SUMF1: variants seen among roughly 807,000 people sequenced by gnomAD.
SUMF1 encodes formylglycine-generating enzyme.
SUMF1 carries 48 observed loss-of-function variants against 47.6 expected under a neutral mutation model. That is an observed-to-expected ratio of 1.01 (90% confidence interval 0.80 to 1.28). The LOEUF (loss-of-function observed/expected upper bound fraction) is 1.28. Among genes scored for constraint, SUMF1 ranks in the 50% most tolerant of loss-of-function variants. SUMF1 has a pLI of 0.00. For missense variants in SUMF1, 571 were observed against 485.4 expected, an observed-to-expected ratio of 1.18 and a Z score of -1.66; for synonymous variants, 230 against 192.1, an observed-to-expected ratio of 1.20 and a Z score of -1.63.
intron 6 of SUMF1, among the ~76,000 whole-genome samples, chr3:4,413,009 T>C (rs1277675427): frequency 1.3e-5 from 2 of 152,018 alleles, no homozygotes; most frequent in Non-Finnish European, 2.9e-5. Flanking sequence ...TGTGCATCAA[T>C]ACTATTTTTT....
chr3:4,268,459 C>A (rs1176949136), intron 8 of SUMF1, among the ~76,000 whole-genome samples: 1 of 150,936 alleles, frequency 6.6e-6, no homozygotes, highest in Non-Finnish European at 1.5e-5. Context: ...AATAATAAAA[C>A]CCCGCAATTT....
At position 4,456,874 on chromosome 3, in the gene SUMF1, C is replaced by CTATATGTGTGTGTATA. The variant is rs2079648335; in HGVS notation, c.271-3841_271-3826dup. Among the ~76,000 whole-genome samples the CTATATGTGTGTGTATA allele has an allele frequency of 2.2e-4, 4 of 18,314 alleles. 1 individual carries two copies. Among genetic ancestry groups the CTATATGTGTGTGTATA allele is most frequent in the African/African-American group, 4.3e-4 (2 of 4,670 alleles). The allele number at this position is 18,314 out of a possible 152,430, so 12.0% of individuals were successfully genotyped here. On this transcript the variant is annotated intron_variant, in intron 1 of 8. Coordinates refer to ENST00000272902, the MANE Select transcript of SUMF1 (RefSeq NM_182760.4). ...TGTGTATATATATGTGTGTGTATATCTATATGTGTGTGTATATATATGTGT... is the reference window on the plus strand; with the variant it reads ...TGTGTATATATATGTGTGTGTATATCTATATGTGTGTGTATATATATGTGTGTGTATATATATGTGT...
At chr3:4,320,806 C>T (rs536931421) in intron 8 of SUMF1, among the ~76,000 whole-genome samples, 9 of 152,180 alleles carry the variant, frequency 5.9e-5, no homozygotes, top group South Asian at 4.1e-4. Context: ...TTTGGAAGAA[C>T]TTCCCTCAGT....
chr3:4,052,323 G>T (rs1342562276), intron 9 of SUMF1, among the ~76,000 whole-genome samples: 1 of 152,128 alleles, frequency 6.6e-6, no homozygotes, highest in Non-Finnish European at 1.5e-5. Flanking sequence ...CATCACATTA[G>T]GGGTTAGGAA....
In SUMF1 at chr3:4,420,942, T is replaced by TTG. The variant is rs1701879793; in HGVS notation, c.520-797_520-796insCA. ...CATTAGCTGGGTGACCCTGGGCAAG[T>TTG]TCACTACTTGTCTGGACCCTCCTAG... On this transcript the variant is annotated intron_variant, in intron 3 of 8. Transcript: ENST00000272902. 7.9e-5 allele frequency among the ~76,000 whole-genome samples: 12 copies of TTG among 152,310 alleles called. No individual in the cohort carries two copies. In the South Asian group the frequency reaches 2.5e-3, roughly 32 times the overall value.
chr3:4,268,688 A>G (rs185477615), intron 8 of SUMF1, among the ~76,000 whole-genome samples: 2 of 152,076 alleles, frequency 1.3e-5, no homozygotes, highest in East Asian at 3.9e-4. Flanking sequence ...GATTAAAAAA[A>G]AAATCTATCC....
intron 8 of SUMF1, among the ~76,000 whole-genome samples, chr3:4,162,808 G>A (rs966496018): frequency 1.3e-5 from 2 of 151,932 alleles, no homozygotes; most frequent in Non-Finnish European, 1.5e-5. Context: ...TTCTTATGAA[G>A]GTGCTTTTTT....
At chr3:4,172,106 G>C (rs932518861) in intron 8 of SUMF1, among the ~76,000 whole-genome samples, 2 of 152,170 alleles carry the variant, frequency 1.3e-5, no homozygotes, top group African/African-American at 4.8e-5. Context: ...AGTAGCCAAT[G>C]CAAGTAGGGG....
At chr3:4,436,428 C>CATAGAT (rs1355093433) in intron 3 of SUMF1, among the ~76,000 whole-genome samples, 2 of 151,784 alleles carry the variant, frequency 1.3e-5, no homozygotes, top group African/African-American at 4.8e-5. Context: ...TACATATAGA[C>CATAGAT]ATAGATATAG....
chr3:4,050,212 C>A (rs1253547048), intron 9 of SUMF1, among the ~76,000 whole-genome samples: 1 of 151,744 alleles, frequency 6.6e-6, no homozygotes, highest in Non-Finnish European at 1.5e-5. Context: ...GGGGCACTTG[C>A]CAGGGAACCA....
chr3:4,371,026 A>C (rs1356165842), intron 8 of SUMF1, among the ~76,000 whole-genome samples: 1 of 152,236 alleles, frequency 6.6e-6, no homozygotes, highest in Non-Finnish European at 1.5e-5. Flanking sequence ...AAAACAGTCA[A>C]TTCACACATC....
intron 2 of SUMF1, among the ~76,000 whole-genome samples, chr3:4,451,766 C>A (rs1702976782): frequency 6.6e-6 from 1 of 152,204 alleles, no homozygotes; most frequent in African/African-American, 2.4e-5. Flanking sequence ...TCACTGCAAG[C>A]TCCGCCTCCC....
chr3:4,074,981 C>G (rs994122024), intron 8 of SUMF1, among the ~76,000 whole-genome samples: 1 of 152,110 alleles, frequency 6.6e-6, no homozygotes, highest in Non-Finnish European at 1.5e-5. Flanking sequence ...GGAATCCTCC[C>G]TAACTCATTT....
chr3:4,367,683 A>T (rs1033959440), intron 8 of SUMF1, among the ~76,000 whole-genome samples: 38 of 152,304 alleles, frequency 2.5e-4, no homozygotes, highest in Admixed American at 1.0e-3. Context: ...ATAACGCCGC[A>T]TGTCTACAAC....
chr3:4,365,434 C>A (rs534449899), intron 8 of SUMF1, among the ~76,000 whole-genome samples: 1 of 124,246 alleles, frequency 8.0e-6, no homozygotes, highest in South Asian at 2.4e-4. Flanking sequence ...GGATAGTTAG[C>A]TCTTGTTGTT....
At chr3:4,391,684 T>C (rs970884714) in intron 7 of SUMF1, among the ~76,000 whole-genome samples, 1 of 152,154 alleles carries the variant, frequency 6.6e-6, no homozygotes, top group African/African-American at 2.4e-5. Context: ...GGTTTTGCCA[T>C]GTTGCCCAGG....
intron 8 of SUMF1, among the ~76,000 whole-genome samples, chr3:4,363,487 T>G (rs1699840266): frequency 6.6e-6 from 1 of 151,686 alleles, no homozygotes; most frequent in Admixed American, 6.6e-5. Context: ...TTGAAGTAAT[T>G]GTGAATGGGA....
intron 8 of SUMF1, among the ~76,000 whole-genome samples, chr3:4,180,919 C>G (rs1210270282): frequency 2.6e-5 from 4 of 152,106 alleles, no homozygotes; most frequent in Admixed American, 2.6e-4. Context: ...TACTAAAATA[C>G]ACTTCTCTTT....
chr3:4,317,463 A>G, intron 8 of SUMF1: 1 of 486,076 alleles, frequency 2.1e-6, no homozygotes, highest in East Asian at 3.6e-5. Context: ...CGGGCAGATC[A>G]CTTGAGTCCA....
Sources: allele counts gnomAD v4.1 joint callset (sites outside exome capture counted in the v4.1 genomes callset), GRCh38; gene constraint gnomAD v4.1.1; transcripts MANE v1.5; gene names NCBI Gene and HGNC (gene_info 2026-07-23, HGNC 2026-07-21).